The following LIMS1 variants were observed in gnomAD, a reference collection of about 807,000 sequenced individuals.
LIMS1 encodes the protein LIM and senescent cell antigen-like-containing domain protein 1.
A neutral mutation model predicts 44.1 loss-of-function variants in LIMS1; 18 were observed. That is an observed-to-expected ratio of 0.41 (90% CI 0.28 to 0.61). The LOEUF is 0.61. LIMS1 is among the 20% of genes least tolerant of loss of function. The probability of loss-of-function intolerance (pLI) is 0.32; values close to 1 mark genes in which losing one functional copy is unlikely to be tolerated. For missense variants in LIMS1, 201 were observed against 422.0 expected (o/e 0.48, Z 4.59); for synonymous variants, 93 against 149.1 (o/e 0.62, Z 2.74).
chr2:108,667,520 T>TATA (rs55645574), intron 2 of LIMS1, among the ~76,000 whole-genome samples: 60,330 of 135,630 alleles, frequency 0.44, 14,399 homozygotes, highest in East Asian at 0.95. Flanking sequence ...ATACAGTGAT[T>TATA]ATATTTTCAA....
intron 1 of LIMS1, among the ~76,000 whole-genome samples, chr2:108,656,860 C>G (rs2148959221): frequency 2.3e-5 from 2 of 87,564 alleles, no homozygotes; most frequent in South Asian, 4.3e-4. Context: ...TCTTAACACT[C>G]TTAAAAACTA....
At chr2:108,605,807 C>A (rs1239008240) in intron 1 of LIMS1, among the ~76,000 whole-genome samples, 3 of 152,228 alleles carry the variant, frequency 2.0e-5, no homozygotes, top group East Asian at 3.8e-4. Context: ...TCAGATTATC[C>A]TCTGAGAGTG....
intron 1 of LIMS1, among the ~76,000 whole-genome samples, chr2:108,601,117 G>A (rs114801111): frequency 6.6e-6 from 1 of 152,082 alleles, no homozygotes; most frequent in African/African-American, 2.4e-5. Flanking sequence ...AGATGCCTGA[G>A]GGGGGAAGAA....
intron 1 of LIMS1, among the ~76,000 whole-genome samples, chr2:108,592,291 A>G (rs1686445536): frequency 6.6e-6 from 1 of 152,220 alleles, no homozygotes; most frequent in Non-Finnish European, 1.5e-5. Context: ...GATGTCCTGT[A>G]GAGTGCTTGA....
intron 1 of LIMS1, among the ~76,000 whole-genome samples, chr2:108,568,438 G>A (rs1218711676): frequency 6.6e-6 from 1 of 152,144 alleles, no homozygotes; most frequent in Non-Finnish European, 1.5e-5. Context: ...CTGTTAGTGG[G>A]CACTTGAGTT....
intron 1 of LIMS1, chr2:108,621,516 A>G (rs1688240019): frequency 5.5e-6 from 7 of 1,283,228 alleles, no homozygotes; most frequent in African/African-American, 1.5e-5. Flanking sequence ...TAGTAAGTGC[A>G]GTGGGGATTC....
intron 1 of LIMS1, among the ~76,000 whole-genome samples, chr2:108,631,322 G>T (rs1688908626): frequency 6.6e-6 from 1 of 152,332 alleles, no homozygotes; most frequent in African/African-American, 2.4e-5. Flanking sequence ...TGGGTCCAGT[G>T]TCTTGAATAA....
chr2:108,648,269 G>A (rs565491486), intron 1 of LIMS1, among the ~76,000 whole-genome samples: 16 of 152,254 alleles, frequency 1.1e-4, no homozygotes, highest in Non-Finnish European at 1.9e-4. Flanking sequence ...GGATGTGAAG[G>A]ACCTCTTCAA....
chr2:108,605,921 C>T (rs1302013136), intron 1 of LIMS1, among the ~76,000 whole-genome samples: 1 of 152,170 alleles, frequency 6.6e-6, no homozygotes, highest in Admixed American at 6.5e-5. Context: ...CTGAAAGGCC[C>T]GGTGAGCATG....
intron 1 of LIMS1, among the ~76,000 whole-genome samples, chr2:108,598,285 A>G (rs1262695522): frequency 4.6e-5 from 7 of 152,148 alleles, no homozygotes; most frequent in Non-Finnish European, 1.0e-4. Flanking sequence ...TGTCTACTTT[A>G]TCCAAACTTT....
At chr2:108,570,030 C>A (rs913148273) in intron 1 of LIMS1, among the ~76,000 whole-genome samples, 1 of 152,154 alleles carries the variant, frequency 6.6e-6, no homozygotes, top group East Asian at 1.9e-4. Flanking sequence ...ATACAAAAAT[C>A]TTTGATAGGA....
chr2:108,575,811 G>T (rs1400860427), intron 1 of LIMS1, among the ~76,000 whole-genome samples: 1 of 152,188 alleles, frequency 6.6e-6, no homozygotes, highest in African/African-American at 2.4e-5. Context: ...GCGTTTGTGT[G>T]TGTGTGGTAT....
upstream of LIMS1, chr2:108,534,334 A>T (rs1684035212): frequency 1.4e-5 from 2 of 144,302 alleles, no homozygotes; most frequent in African/African-American, 6.4e-5. Flanking sequence ...CCGCCCCGCC[A>T]GTCCCCGCCC....
chr2:108,584,031 AAAG>A (rs1213642308), intron 1 of LIMS1, among the ~76,000 whole-genome samples: 1 of 152,078 alleles, frequency 6.6e-6, no homozygotes, highest in African/African-American at 2.4e-5. Flanking sequence ...TAAAGGACAA[AAAG>A]AAGATGGCAA....
At position 108,534,554 on chromosome 2, in the gene LIMS1, A is replaced by G. The variant is rs772523211; in HGVS notation, c.-9A>G. 297 of 1,204,328 alleles carry G rather than the reference A, an allele frequency of 2.5e-4. No homozygotes were observed. In the African/African-American group the frequency reaches 4.2e-3, roughly 17 times the overall value. The allele number at this position is 1,204,328 out of a possible 1,614,324, so 74.6% of individuals were successfully genotyped here. ...GGGCTGAGAGACGGCGGCGGCCGAA[A>G]GCGGAGAGATGCTGGGCGTGGCGGC... is the stretch of plus-strand genomic sequence containing the variant. On this transcript the variant is annotated 5_prime_UTR_variant, in exon 1 of 10. Transcript: ENST00000544547.
chr2:108,611,433 AC>A (rs1189215794), intron 1 of LIMS1, among the ~76,000 whole-genome samples: 1 of 152,086 alleles, frequency 6.6e-6, no homozygotes, highest in Admixed American at 6.5e-5. Context: ...TTAAAAAATA[AC>A]CTATCAATGT....
chr2:108,631,642 A>G (rs1304312010), intron 1 of LIMS1, among the ~76,000 whole-genome samples: 6 of 150,150 alleles, frequency 4.0e-5, no homozygotes, highest in East Asian at 2.0e-4. Context: ...CCTGATTACT[A>G]CTTTACTTAC....
At chr2:108,626,506 C>T in intron 1 of LIMS1, among the ~76,000 whole-genome samples, 1 of 152,134 alleles carries the variant, frequency 6.6e-6, no homozygotes, top group East Asian at 1.9e-4. Context: ...ACTGGTTTTA[C>T]AGACCCCCTC....
At chr2:108,556,150 A>G (rs796488411) in intron 1 of LIMS1, among the ~76,000 whole-genome samples, 18 of 152,180 alleles carry the variant, frequency 1.2e-4, no homozygotes, top group African/African-American at 4.3e-4. Context: ...TTTTGTCTCT[A>G]TGAATTTGCC....
Sources: allele counts gnomAD v4.1 joint callset (sites outside exome capture counted in the v4.1 genomes callset), GRCh38; gene constraint gnomAD v4.1.1; transcripts MANE v1.5; gene names NCBI Gene and HGNC (gene_info 2026-07-23, HGNC 2026-07-21).